Variants in WDR19 observed in about 807,000 individuals in gnomAD.
WDR19 encodes WD repeat-containing protein 19.
WDR19 carries 121 observed loss-of-function variants against 180.0 expected under a neutral mutation model. The ratio of observed to expected loss-of-function variants is 0.67; its 90% CI spans 0.58 to 0.78. The LOEUF is 0.78. Among genes scored for constraint, WDR19 ranks in the 30% least tolerant of loss-of-function variants. The pLI, the probability that WDR19 is intolerant of heterozygous loss-of-function variation, is 0.00. For synonymous variants in WDR19, 497 were observed against 540.7 expected (o/e 0.92, Z 1.12); for missense variants, 1,450 against 1,640.7 (o/e 0.88, Z 2.01).
At chr4:39,222,904 A>T (rs957619474) in intron 14 of WDR19, among the ~76,000 whole-genome samples, 3 of 152,224 alleles carry the variant, frequency 2.0e-5, no homozygotes, top group Non-Finnish European at 2.9e-5. Flanking sequence ...ACCCCTGGTA[A>T]CAACTTGTTC....
chr4:39,271,082 A>C lies in WDR19; in HGVS notation c.3483+982A>C, dbSNP rs180685329. 3.1e-3 allele frequency among the ~76,000 whole-genome samples: 468 copies of C among 152,068 alleles called. 3 individuals are homozygous for C. The highest frequency in any genetic ancestry group is 0.011 in the African/African-American group (447 of 41,490). ...GCTAATTTTTTTGTATTTTTAATAG[A>C]GATGGGGTTTCACCACGTTGGCCAG... On this transcript the variant is annotated intron_variant, in intron 31 of 36. Transcript: ENST00000399820.
At chr4:39,224,861 GCT>G in intron 14 of WDR19, 21 bp from the exon 15 acceptor site, 1 of 1,449,364 alleles carries the variant, frequency 6.9e-7, no homozygotes, top group Non-Finnish European at 9.2e-7. Context: ...TATTTTCATG[GCT>G]GGATTTTTTT....
rs999251831 is a variant in WDR19 at position 39,245,253 on chromosome 4, T to C, written c.2646-116T>C. On this transcript the variant is annotated intron_variant, in intron 23 of 36. Coordinates refer to ENST00000399820, the MANE Select transcript of WDR19 (RefSeq NM_025132.4). Reference sequence around the variant, plus strand: ...ACTGCACCCCGCCAGGAGCCAAGATTTTTGAAAGATAGTAATAACTGGTTT... The same window carrying C: ...ACTGCACCCCGCCAGGAGCCAAGATCTTTGAAAGATAGTAATAACTGGTTT... The C allele has an allele frequency of 8.3e-6, 7 of 844,836 alleles. No homozygotes were observed. The African/African-American group carries it at 1.0e-4, about 13-fold the overall frequency. The allele number at this position is 844,836 out of a possible 1,614,324, so 52.3% of individuals were successfully genotyped here. A position where few individuals can be genotyped will look rare whatever the true frequency, so the allele number is the denominator to read the frequency against.
intron 6 of WDR19, among the ~76,000 whole-genome samples, chr4:39,200,141 T>C (rs1727221323): frequency 6.6e-6 from 1 of 152,242 alleles, no homozygotes; most frequent in Non-Finnish European, 1.5e-5. Flanking sequence ...AAATTTCACT[T>C]TGGACTACTG....
rs1310895506 is a variant in WDR19, at chr4:39,267,983, T to C, written c.3262-12T>C. 6.3e-7 allele frequency: 1 copy of C among 1,590,902 alleles called. No individual in the cohort carries two copies. The highest frequency in any genetic ancestry group is 1.1e-5 in the South Asian group (1 of 87,142). On this transcript the variant is annotated splice_polypyrimidine_tract_variant and intron_variant, in intron 29 of 36. Transcript: ENST00000399820. The stretch of plus-strand genomic sequence containing the variant: ...GAAGAAAGTAATGTTTCTATAATGG[T>C]TTATGTGTCAGGATGCCAAGTACCT...
At chr4:39,216,474 C>T (rs956689256) in intron 12 of WDR19, among the ~76,000 whole-genome samples, 2 of 152,078 alleles carry the variant, frequency 1.3e-5, no homozygotes, top group Admixed American at 1.3e-4. Flanking sequence ...ATTTAATTTC[C>T]CCTTCTGCCT....
intron 36 of WDR19, among the ~76,000 whole-genome samples, chr4:39,281,205 A>ATGTGTGTGTGTGTGTGTGTGTGTG (rs144111830): frequency 1.8e-5 from 2 of 110,416 alleles, no homozygotes; most frequent in African/African-American, 9.7e-5. Flanking sequence ...CTAAATATAT[A>ATGTGTGTGTGTGTGTGTGTGTGTG]TGTGTGTGTG....
rs773018118 is a variant in WDR19, at chr4:39,273,109, C to T, written c.3565+48C>T. On this transcript the variant is annotated intron_variant, in intron 32 of 36. Transcript: ENST00000399820. ...CTCACCCATGCCCCATGCCCCATGC[C>T]GCATGCTAGCCCAGCGCCCCTTTTG... 17 of 1,427,058 alleles carry T rather than the reference C, an allele frequency of 1.2e-5. No homozygotes were observed. The South Asian group carries it at 1.3e-4, about 11-fold the overall frequency. The allele number at this position is 1,427,058 out of a possible 1,614,324, so 88.4% of individuals were successfully genotyped here.
chr4:39,257,925 C>G (rs1733919443), intron 28 of WDR19, among the ~76,000 whole-genome samples: 1 of 151,948 alleles, frequency 6.6e-6, no homozygotes, highest in Non-Finnish European at 1.5e-5. Context: ...ACCCCCCACC[C>G]AGATCAAGAT....
At chr4:39,226,927 T>G (rs1240075222) in intron 15 of WDR19, among the ~76,000 whole-genome samples, 1 of 152,206 alleles carries the variant, frequency 6.6e-6, no homozygotes, top group African/African-American at 2.4e-5. Flanking sequence ...CCATTAACAG[T>G]GTAAAAGCGT....
intron 5 of WDR19, chr4:39,194,865 T>A: frequency 2.0e-6 from 1 of 512,066 alleles, no homozygotes; most frequent in Non-Finnish European, 3.5e-6. Context: ...ATAGAATAGA[T>A]TGAGTTAAAG....
At chr4:39,239,085 T>A (rs1577962060) in intron 20 of WDR19, among the ~76,000 whole-genome samples, 1 of 152,060 alleles carries the variant, frequency 6.6e-6, no homozygotes, top group Non-Finnish European at 1.5e-5. Flanking sequence ...CAAGCAATTC[T>A]CCTGCCCTTA....
intron 28 of WDR19, among the ~76,000 whole-genome samples, chr4:39,262,876 G>C (rs567452847): frequency 6.6e-6 from 1 of 152,224 alleles, no homozygotes. Context: ...GAAAACAGAT[G>C]ATACAAGTTT....
In WDR19 at chr4:39,216,596, C is replaced by T. The variant is rs560826881; in HGVS notation, c.1249+386C>T. Among the ~76,000 whole-genome samples the T allele has an allele frequency of 5.9e-5, 9 of 152,262 alleles. No individual in the cohort carries two copies. The South Asian group carries it at 6.2e-4, about 11-fold the overall frequency. On this transcript the variant is annotated intron_variant, in intron 12 of 36. Transcript: ENST00000399820. ...ATCATGAGGAAGATTAAATAAAATGCGTGGTCTCACTTGGCACAGTGACTT... is the reference window on the plus strand; with the variant it reads ...ATCATGAGGAAGATTAAATAAAATGTGTGGTCTCACTTGGCACAGTGACTT...
rs540359877 is a variant in WDR19 at position 39,193,265 on chromosome 4, G to A, written c.291-1279G>A. Among the ~76,000 whole-genome samples, 9 of 151,216 alleles carry A rather than the reference G, an allele frequency of 6.0e-5. No homozygotes were observed. The East Asian group carries it at 1.8e-3, about 29-fold the overall frequency. On this transcript the variant is annotated intron_variant, in intron 4 of 36. Coordinates refer to ENST00000399820, the MANE Select transcript of WDR19 (RefSeq NM_025132.4). Reference sequence around the variant, plus strand: ...CAACCTCCGCCTCCCGGGTTCAAGCGATTCTTCTGCCTAAGCCTCCTGAGT... The same window carrying A: ...CAACCTCCGCCTCCCGGGTTCAAGCAATTCTTCTGCCTAAGCCTCCTGAGT...
intron 24 of WDR19, among the ~76,000 whole-genome samples, chr4:39,252,521 TA>T (rs150973465): frequency 0.34 from 51,352 of 150,964 alleles, 8,881 homozygotes; most frequent in African/African-American, 0.39. Context: ...TAAAAAATAA[TA>T]AAAAAAAATT....
At chr4:39,195,391 C>A (rs75155412) in intron 5 of WDR19, among the ~76,000 whole-genome samples, 39,783 of 131,384 alleles carry the variant, frequency 0.3, 5,847 homozygotes, top group African/African-American at 0.39. Context: ...AAAAAACAAA[C>A]AAACAAAAAA....
intron 14 of WDR19, among the ~76,000 whole-genome samples, chr4:39,224,173 G>T (rs867981178): frequency 6.6e-6 from 1 of 152,010 alleles, no homozygotes; most frequent in Non-Finnish European, 1.5e-5. Flanking sequence ...ATTCTATCAG[G>T]TGGATTTTTT....
intron 5 of WDR19, among the ~76,000 whole-genome samples, chr4:39,197,194 C>T (rs1243929243): frequency 1.3e-5 from 2 of 151,838 alleles, no homozygotes; most frequent in African/African-American, 2.4e-5. Flanking sequence ...TTTGGAAGGC[C>T]GAGGCAGGCG....
Sources: gnomAD v4.1 joint callset for allele counts (sites outside exome capture counted in the v4.1 genomes callset) on GRCh38, gnomAD v4.1.1 for gene constraint, MANE v1.5 for transcripts, NCBI Gene and HGNC (gene_info 2026-07-23, HGNC 2026-07-21) for gene names.